Variants in SGSH observed in about 807,000 individuals in gnomAD.
SGSH encodes N-sulfoglucosamine sulfohydrolase, also known as heparan sulfate sulfatase.
Under a neutral mutation model 51.0 loss-of-function variants are expected in SGSH, and 48 were observed. The ratio of observed to expected loss-of-function variants is 0.94; its 90% confidence interval spans 0.75 to 1.20. The LOEUF is 1.20. Ranked by LOEUF, SGSH falls within the 50% of genes most tolerant of loss-of-function variation. The pLI is 0.00. For missense variants in SGSH, 662 were observed against 717.8 expected, an observed-to-expected ratio of 0.92 and a Z score of 0.89; for synonymous variants, 321 against 313.4, an observed-to-expected ratio of 1.02 and a Z score of -0.26.
At chr17:80,207,003 A>G (rs748610851), downstream of SGSH, 5 of 1,613,030 alleles carry the variant, frequency 3.1e-6, no homozygotes, top group South Asian at 2.2e-5. Context: ...CCAGCTGGAC[A>G]GTGTCTGCAC....
At position 80,209,953 on chromosome 17, in the gene SGSH, G is replaced by A. The variant is rs886053555; in HGVS notation, c.*499C>T. 2.4e-4 allele frequency: 244 copies of A among 1,001,828 alleles called. No homozygotes were observed. The highest frequency in any genetic ancestry group is 5.6e-4 in the South Asian group (13 of 23,250). 62.1% of individuals were successfully genotyped at this position (1,001,828 alleles called of 1,614,324 possible). Reference sequence around the variant, plus strand: ...GACGCTGGTAAGAGCCAGGCGCCGTGCTCCCAGGTGAGTGTCGGTGGGACC... The same window carrying A: ...GACGCTGGTAAGAGCCAGGCGCCGTACTCCCAGGTGAGTGTCGGTGGGACC... On this transcript the variant is annotated 3_prime_UTR_variant, in exon 8 of 8. Transcript: ENST00000326317.
chr17:80,210,326 C>T lies in SGSH; in HGVS notation c.*126G>A, dbSNP rs546128310. 5.1e-5 allele frequency: 73 copies of T among 1,443,020 alleles called. No homozygotes were observed. The East Asian group carries it at 1.7e-3, about 34-fold the overall frequency. The allele number at this position is 1,443,020 out of a possible 1,614,324, so 89.4% of individuals were successfully genotyped here. ...GAGTGACCCCACAGGAAGGAAGAAC[C>T]CTCCTTGGATGGGAGTGTGGACGGA... On this transcript the variant is annotated 3_prime_UTR_variant, in exon 8 of 8. Transcript: ENST00000326317.
chr17:80,217,875 A>C (rs1342918323), intron 1 of SGSH, among the ~76,000 whole-genome samples: 1 of 151,816 alleles, frequency 6.6e-6, no homozygotes, highest in East Asian at 1.9e-4. Flanking sequence ...AGCAGGCATG[A>C]TACCCGGTGG....
chr17:80,217,009 T>C (rs1172139102), intron 2 of SGSH, 23 bp downstream of exon 2: 1 of 1,528,950 alleles, frequency 6.5e-7, no homozygotes, highest in Non-Finnish European at 8.8e-7. Context: ...GCCCACCCCC[T>C]CCTCCCGCCC....
At chr17:80,219,991 A>C in intron 1 of SGSH, 1 of 409,396 alleles carries the variant, frequency 2.4e-6, no homozygotes. Context: ...GGCACGAGGT[A>C]AGTGTAGGGG....
chr17:80,202,203 C>G (rs749859410), downstream of SGSH: 17 of 1,613,806 alleles, frequency 1.1e-5, no homozygotes, highest in South Asian at 1.8e-4. Flanking sequence ...ACTCCAGGAC[C>G]TGGAGGCCAA....
Position 80,210,768 on chromosome 17 carries a change from A to G in SGSH, c.1193T>C (p.Ile398Thr). 6.2e-7 allele frequency: 1 copy of G among 1,613,972 alleles called. No homozygotes were observed. Among genetic ancestry groups the G allele is most frequent in the South Asian group, 1.1e-5 (1 of 91,070 alleles). The change falls in exon 8 of 8, where the codon ATC (isoleucine) becomes ACC (threonine). Residue 398 changes from isoleucine (I) to threonine (T), a missense_variant. Transcript: ENST00000326317. ...GGGTGAGACGTAGAAGTCCTGGTCG[A>G]TGGGAAAGGGCATCTTGAAGTTGAG... ...HNLNFKMPFP[I>T]DQDFYVSPTF...
intron 3 of SGSH, 25 bp from the exon 4 acceptor site, chr17:80,214,790 A>C (rs756462709): frequency 8.7e-6 from 14 of 1,607,022 alleles, no homozygotes; most frequent in Non-Finnish European, 1.2e-5. Flanking sequence ...AGGCCTGGCC[A>C]GAGTCCCTTC....
chr17:80,205,250 C>T, downstream of SGSH: 1 of 1,468,982 alleles, frequency 6.8e-7, no homozygotes, highest in Non-Finnish European at 9.4e-7. Flanking sequence ...CACCTTCCCT[C>T]CCTCCCTCCT....
chr17:80,215,381 C>T (rs966714992), intron 2 of SGSH, among the ~76,000 whole-genome samples: 1 of 152,252 alleles, frequency 6.6e-6, no homozygotes, highest in South Asian at 2.1e-4. Flanking sequence ...TGCACCGACA[C>T]GAGGGTGGCC....
At chr17:80,201,869 C>T (rs200737962), downstream of SGSH, 95 of 1,611,880 alleles carry the variant, frequency 5.9e-5, no homozygotes, top group South Asian at 3.1e-4. This position sits in a 1 kb window ranked among gnomAD's most constrained non-coding sequence, Gnocchi z 5.0. Context: ...TCAACACGGA[C>T]GGTACACATA....
In SGSH at chr17:80,211,903, T is replaced by C. The variant is rs559844728; in HGVS notation, c.949+168A>G. On this transcript the variant is annotated intron_variant, in intron 7 of 7. Transcript: ENST00000326317. Reference sequence around the variant, plus strand: ...AATCCTGAGCAGCTTACTTCACCTCTCTGAGCCTCATTCTTTTCCTCTGTA... The same window carrying C: ...AATCCTGAGCAGCTTACTTCACCTCCCTGAGCCTCATTCTTTTCCTCTGTA... 1.7e-4 allele frequency: 117 copies of C among 673,488 alleles called. 1 individual carries two copies. In the African/African-American group the frequency reaches 1.9e-3, roughly 11 times the overall value. 41.7% of individuals were successfully genotyped at this position (673,488 alleles called of 1,614,324 possible). A position where few individuals can be genotyped will look rare whatever the true frequency, so the allele number is the denominator to read the frequency against.
At chr17:80,219,161 CAAAAAAAAAAAA>C (rs11430982) in intron 1 of SGSH, among the ~76,000 whole-genome samples, 3 of 54,260 alleles carry the variant, frequency 5.5e-5, no homozygotes, top group Non-Finnish European at 9.6e-5. Context: ...CCCTGTCTCA[CAAAAAAAAAAAA>C]AAAAAAAAAA....
downstream of SGSH, chr17:80,204,586 TGCACTCCA>T (rs2041174029): frequency 2.4e-6 from 1 of 420,896 alleles, no homozygotes; most frequent in African/African-American, 2.0e-5. Context: ...ATGGTGCCAT[TGCACTCCA>T]GCCTGGGCAA....
At position 80,213,991 on chromosome 17, in the gene SGSH, C is replaced by T; in HGVS notation, c.664-106G>A. 1.5e-6 allele frequency: 2 copies of T among 1,310,102 alleles called. No individual in the cohort carries two copies. The highest frequency in any genetic ancestry group is 1.3e-5 in the South Asian group (1 of 79,612). The allele number at this position is 1,310,102 out of a possible 1,614,324, so 81.2% of individuals were successfully genotyped here. The stretch of plus-strand genomic sequence containing the variant: ...CAAATGGGTTAGCCCAGAACAGCCT[C>T]ACTCCGGACCACCCCGTCTCTCTAC... On this transcript the variant is annotated intron_variant, in intron 5 of 7. Transcript: ENST00000326317. The surrounding 1 kb of genome is among the most constrained non-coding windows in gnomAD (Gnocchi z 4.6).
At chr17:80,204,451 C>A, downstream of SGSH, 1 of 1,056,238 alleles carries the variant, frequency 9.5e-7, no homozygotes, top group Non-Finnish European at 1.3e-6. Flanking sequence ...TCATTTAGGC[C>A]AGGATCTGGT....
chr17:80,205,325 A>G (rs1367881238), downstream of SGSH: 15 of 1,105,118 alleles, frequency 1.4e-5, no homozygotes, highest in Non-Finnish European at 1.9e-5. Context: ...GCACATTCCC[A>G]CACTCACCTG....
chr17:80,207,123 C>T (rs374562482), downstream of SGSH: 347 of 1,492,476 alleles, frequency 2.3e-4, no homozygotes, highest in Non-Finnish European at 2.5e-4. Context: ...GGCTTCGAAG[C>T]GGCTCCTGGG....
rs1462064392 is a variant in SGSH at position 80,209,416 on chromosome 17, G to T, written c.*1036C>A. ...GGGGAGCCCACCTACTCAAGGAAGCGCCCTCTCCTTCGAGGGGTGTCCAGG... is the reference window on the plus strand; with the variant it reads ...GGGGAGCCCACCTACTCAAGGAAGCTCCCTCTCCTTCGAGGGGTGTCCAGG... On this transcript the variant is annotated 3_prime_UTR_variant, in exon 8 of 8. Coordinates refer to ENST00000326317, the MANE Select transcript of SGSH (RefSeq NM_000199.5). 1.0e-6 allele frequency: 1 copy of T among 985,416 alleles called. No individual in the cohort carries two copies. Among genetic ancestry groups the T allele is most frequent in the Non-Finnish European group, 1.2e-6 (1 of 830,026 alleles). The allele number at this position is 985,416 out of a possible 1,614,324, so 61.0% of individuals were successfully genotyped here.
Sources: allele counts gnomAD v4.1 joint callset (sites outside exome capture counted in the v4.1 genomes callset), GRCh38; gene constraint gnomAD v4.1.1; non-coding constraint Gnocchi (gnomAD v3.1); transcripts MANE v1.5; gene names NCBI Gene and HGNC (gene_info 2026-07-23, HGNC 2026-07-21).